Variants in SCN3A observed in about 807,000 individuals in gnomAD.
The protein encoded by SCN3A is sodium voltage-gated channel alpha subunit 3.
A neutral mutation model predicts 187.6 loss-of-function variants in SCN3A; 60 were observed. The observed-to-expected ratio is 0.32, with a 90% CI of 0.26 to 0.40. The LOEUF (loss-of-function observed/expected upper bound fraction) is 0.40. SCN3A is among the 10% of genes least tolerant of loss of function. The pLI, the probability that SCN3A is intolerant of heterozygous loss-of-function variation, is 1.00. For missense variants in SCN3A, 1,601 were observed against 2,428.2 expected (o/e 0.66, Z 7.16); for synonymous variants, 788 against 829.2 (o/e 0.95, Z 0.85).
Position 165,090,608 on chromosome 2 carries a change from A to G in SCN3A, c.5545T>C (p.Cys1849Arg). Residue 1849 changes from cysteine to arginine, a missense_variant, in exon 28 of 28, where the codon TGT becomes CGT. By Grantham distance (180) the Cys-to-Arg change is radical. Around this residue, in one of 11 missense-constraint regions of SCN3A, gnomAD observed 110 missense variants for 175.9 expected, o/e 0.63. Transcript: ENST00000283254. The surrounding 1 kb of genome is among the most constrained non-coding windows in gnomAD (Gnocchi z 4.0). ...LPMVSGDRIH[C>R]LDILFAFTKR... ...GTAAAGGCAAATAAAATATCAAGAC[A>G]GTGGATCCGGTCACCACTGACCATG... 3 of 1,614,104 alleles carry G rather than the reference A, an allele frequency of 1.9e-6. No individual in the cohort carries two copies. Among genetic ancestry groups the G allele is most frequent in the Non-Finnish European group, 2.5e-6 (3 of 1,179,998 alleles).
At chr2:165,145,305 G>A (rs1688248041) in intron 12 of SCN3A, among the ~76,000 whole-genome samples, 1 of 146,524 alleles carries the variant, frequency 6.8e-6, no homozygotes, top group Admixed American at 6.9e-5. Flanking sequence ...TATCAAAGGT[G>A]ACTGTTTAAG....
At chr2:165,169,393 A>G (rs1689974917) in intron 4 of SCN3A, among the ~76,000 whole-genome samples, 1 of 151,762 alleles carries the variant, frequency 6.6e-6, no homozygotes, top group Non-Finnish European at 1.5e-5. Flanking sequence ...CTAGCTTTTT[A>G]TTTACACTTT....
intron 21 of SCN3A, among the ~76,000 whole-genome samples, chr2:165,111,289 C>T (rs933627625): frequency 1.3e-5 from 2 of 152,168 alleles, no homozygotes; most frequent in African/African-American, 4.8e-5. Flanking sequence ...GAGCCAAGAT[C>T]GCACCATTGC....
chr2:165,160,321 T>A (rs1899017), intron 9 of SCN3A, among the ~76,000 whole-genome samples: 34,192 of 151,728 alleles, frequency 0.23, 4,988 homozygotes, highest in East Asian at 0.52. Context: ...ATATAAATAA[T>A]GTACACAATA....
At chr2:165,126,693 T>C (rs1469051360) in intron 18 of SCN3A, among the ~76,000 whole-genome samples, 1 of 150,564 alleles carries the variant, frequency 6.6e-6, no homozygotes, top group African/African-American at 2.4e-5. Context: ...TTTTTCTCTT[T>C]CCTAGTAACA....
chr2:165,137,635 G>C (rs1687745645), intron 15 of SCN3A, among the ~76,000 whole-genome samples: 1 of 152,090 alleles, frequency 6.6e-6, no homozygotes, highest in South Asian at 2.1e-4. Flanking sequence ...AAGATTTTGA[G>C]ACGTTTACAA....
intron 13 of SCN3A, 179 bp from the exon 14 acceptor site, chr2:165,139,787 A>T (rs1163077806): frequency 1.2e-5 from 8 of 667,412 alleles, no homozygotes; most frequent in Non-Finnish European, 1.8e-5. Context: ...AAGTTATCAC[A>T]GGTAGTACTC....
chr2:165,111,299 C>T (rs1327487887), intron 21 of SCN3A, among the ~76,000 whole-genome samples: 1 of 152,144 alleles, frequency 6.6e-6, no homozygotes, highest in Non-Finnish European at 1.5e-5. Context: ...CGCACCATTG[C>T]ACTCCAGCCT....
intron 24 of SCN3A, 151 bp from the exon 25 acceptor site, chr2:165,095,799 A>G: frequency 2.0e-6 from 1 of 505,520 alleles, no homozygotes. Flanking sequence ...TAAAACTAGT[A>G]TGATCTAGTA....
intron 2 of SCN3A, among the ~76,000 whole-genome samples, chr2:165,181,055 T>C (rs1430650388): frequency 6.6e-6 from 1 of 152,152 alleles, no homozygotes; most frequent in African/African-American, 2.4e-5. Flanking sequence ...AACTATATTA[T>C]TCAAAACAGA....
Position 165,094,416 on chromosome 2 carries a change from T to C in SCN3A, c.4494A>G (p.Lys1498=), listed in dbSNP as rs1409059451. ...GTTTCTGAGGTTTCTTGGATCCAAG[T>C]TTCTTCATTGCATTGTAATATTTTT... ...EQKKYYNAMK[K]LGSKKPQKPI... is the part of the protein sequence containing the mutation. Residue 1498 remains lysine (K), a synonymous_variant, in exon 26 of 28, where the codon AAA becomes AAG. Coordinates refer to ENST00000283254, the MANE Select transcript of SCN3A (RefSeq NM_006922.4). The C allele has an allele frequency of 1.2e-6, 2 of 1,613,738 alleles. No individual in the cohort carries two copies. Among genetic ancestry groups the C allele is most frequent in the East Asian group, 2.2e-5 (1 of 44,856 alleles).
intron 2 of SCN3A, among the ~76,000 whole-genome samples, chr2:165,183,724 T>C (rs1691038146): frequency 6.6e-6 from 1 of 152,194 alleles, no homozygotes; most frequent in African/African-American, 2.4e-5. Flanking sequence ...TCTTTCCCTC[T>C]CTCTGTCGGG....
At chr2:165,133,698 GTAT>G (rs1049045859) in intron 15 of SCN3A, among the ~76,000 whole-genome samples, 3 of 151,322 alleles carry the variant, frequency 2.0e-5, no homozygotes, top group Non-Finnish European at 4.4e-5. Context: ...AAGTAGAGTG[GTAT>G]TATTTAATGA....
At chr2:165,201,330 AC>A (rs1202679933) in intron 1 of SCN3A, among the ~76,000 whole-genome samples, 2 of 152,004 alleles carry the variant, frequency 1.3e-5, no homozygotes, top group African/African-American at 2.4e-5. Context: ...AGAATTATTC[AC>A]TTTTCAGGTA....
intron 12 of SCN3A, among the ~76,000 whole-genome samples, chr2:165,143,532 A>G (rs1477507925): frequency 6.6e-6 from 1 of 152,224 alleles, no homozygotes; most frequent in Non-Finnish European, 1.5e-5. Context: ...ACAGAGACGG[A>G]AAAAGAAGAT....
intron 11 of SCN3A, among the ~76,000 whole-genome samples, chr2:165,151,544 A>G (rs1489682429): frequency 6.6e-6 from 1 of 152,214 alleles, no homozygotes; most frequent in African/African-American, 2.4e-5. Context: ...ATGTTTTAAG[A>G]TATTGGAAAA....
rs1688834824 is a variant in SCN3A, at chr2:165,153,683, T to A, written c.1380+769A>T. 2.6e-5 allele frequency among the ~76,000 whole-genome samples: 4 copies of A among 152,106 alleles called. 1 individual carries two copies. In the South Asian group the frequency reaches 8.3e-4, roughly 31 times the overall value. On this transcript the variant is annotated intron_variant, in intron 11 of 27. Transcript: ENST00000283254. ...AAAATCAAAACAGAAATGAGATACT[T>A]ATTAGAATGGCTAAAATTAAAAAGA...
intron 22 of SCN3A, 106 bp from the exon 23 acceptor site, chr2:165,097,630 A>C (rs946455391): frequency 7.3e-7 from 1 of 1,379,012 alleles, no homozygotes; most frequent in Non-Finnish European, 1.0e-6. Flanking sequence ...GAGTTAAATA[A>C]AAATCTAGGT....
At chr2:165,171,694 G>A (rs1690110108) in intron 3 of SCN3A, among the ~76,000 whole-genome samples, 1 of 151,830 alleles carries the variant, frequency 6.6e-6, no homozygotes, top group African/African-American at 2.4e-5. Flanking sequence ...CTCCCTAATT[G>A]TTTCTCTTTA....
Sources: allele counts gnomAD v4.1 joint callset (sites outside exome capture counted in the v4.1 genomes callset), GRCh38; gene constraint gnomAD v4.1.1; regional missense constraint gnomAD v4.1.1; non-coding constraint Gnocchi (gnomAD v3.1); transcripts MANE v1.5; gene names NCBI Gene and HGNC (gene_info 2026-07-23, HGNC 2026-07-21).